The following TRPC4 variants were observed in gnomAD, a reference collection of about 807,000 sequenced individuals.
TRPC4 encodes transient receptor potential cation channel subfamily C member 4, also known as short transient receptor potential channel 4.
A neutral mutation model predicts 99.4 loss-of-function variants in TRPC4; 49 were observed. That is an observed-to-expected ratio of 0.49 (90% confidence interval 0.39 to 0.63). The LOEUF is 0.63. Among genes scored for constraint, TRPC4 ranks in the 20% least tolerant of loss-of-function variants. The pLI is 0.00. For missense variants in TRPC4, 898 were observed against 1,152.9 expected (o/e 0.78, Z 3.20); for synonymous variants, 454 against 425.9 (o/e 1.07, Z -0.81).
chr13:37,854,282 G>A (rs968279490), intron 1 of TRPC4, among the ~76,000 whole-genome samples: 1 of 152,074 alleles, frequency 6.6e-6, no homozygotes, highest in African/African-American at 2.4e-5. Context: ...CATATTTACA[G>A]TGCCGAACGA....
At chr13:37,795,632 A>G (rs1957225131) in intron 1 of TRPC4, among the ~76,000 whole-genome samples, 1 of 152,198 alleles carries the variant, frequency 6.6e-6, no homozygotes, top group Admixed American at 6.5e-5. Context: ...TCTTAAAGTA[A>G]TGGAGATGCA....
At chr13:37,783,575 G>A (rs1304236613) in intron 1 of TRPC4, among the ~76,000 whole-genome samples, 3 of 151,124 alleles carry the variant, frequency 2.0e-5, no homozygotes, top group South Asian at 2.1e-4. Flanking sequence ...TAAATAAAAA[G>A]AGATTAACAT....
chr13:37,705,716 A>G (rs975731971), intron 3 of TRPC4, among the ~76,000 whole-genome samples: 4 of 152,082 alleles, frequency 2.6e-5, no homozygotes, highest in Non-Finnish European at 5.9e-5. Flanking sequence ...ATGCATATTT[A>G]CCTGCATCTT....
At chr13:37,812,799 C>T (rs772967430) in intron 1 of TRPC4, among the ~76,000 whole-genome samples, 21 of 152,002 alleles carry the variant, frequency 1.4e-4, no homozygotes, top group Admixed American at 3.3e-4. Context: ...ATAAAGAAAA[C>T]TACAGCAAGT....
chr13:37,676,017 C>T (rs1422288419), intron 4 of TRPC4, among the ~76,000 whole-genome samples: 1 of 152,080 alleles, frequency 6.6e-6, no homozygotes, highest in Non-Finnish European at 1.5e-5. Context: ...ACGGTGGCAA[C>T]AACAAAACCC....
chr13:37,641,427 T>G (rs1222147235), intron 8 of TRPC4, among the ~76,000 whole-genome samples: 1 of 152,208 alleles, frequency 6.6e-6, no homozygotes, highest in African/African-American at 2.4e-5. Context: ...ACAAAACTAT[T>G]TTTTAGTTTC....
chr13:37,835,766 T>C (rs1177486784), intron 1 of TRPC4, among the ~76,000 whole-genome samples: 1 of 152,266 alleles, frequency 6.6e-6, no homozygotes, highest in Non-Finnish European at 1.5e-5. Context: ...CATTAGTATG[T>C]ACAGCATACT....
At chr13:37,797,683 T>C (rs756123572) in intron 1 of TRPC4, among the ~76,000 whole-genome samples, 3 of 152,150 alleles carry the variant, frequency 2.0e-5, no homozygotes, top group Non-Finnish European at 2.9e-5. Context: ...TTAAAAAAAT[T>C]AGAATGCTTA....
At chr13:37,835,269 T>C (rs1006845332) in intron 1 of TRPC4, among the ~76,000 whole-genome samples, 1 of 152,112 alleles carries the variant, frequency 6.6e-6, no homozygotes, top group Non-Finnish European at 1.5e-5. Flanking sequence ...CTTCAAAAAA[T>C]TACTACTTCC....
chr13:37,781,832 A>G (rs1956849983), intron 2 of TRPC4, among the ~76,000 whole-genome samples: 1 of 152,082 alleles, frequency 6.6e-6, no homozygotes, highest in Non-Finnish European at 1.5e-5. Flanking sequence ...TTTTCCCAGC[A>G]GACAGGGACA....
rs370322724 is a variant in TRPC4, at chr13:37,734,610, C to T, written c.897+11327G>A. Among the ~76,000 whole-genome samples the T allele has an allele frequency of 4.6e-5, 7 of 152,212 alleles. No homozygotes were observed. The East Asian group carries it at 7.7e-4, about 17-fold the overall frequency. ...TAATTAGCCTGAGCTGATCACTATACATTCTATGTATCAAAACATCACTAT... is the reference window on the plus strand; with the variant it reads ...TAATTAGCCTGAGCTGATCACTATATATTCTATGTATCAAAACATCACTAT... On this transcript the variant is annotated intron_variant, in intron 3 of 10. Coordinates refer to ENST00000379705, the MANE Select transcript of TRPC4 (RefSeq NM_016179.4).
chr13:37,839,165 T>C (rs1958658558), intron 1 of TRPC4, among the ~76,000 whole-genome samples: 1 of 152,208 alleles, frequency 6.6e-6, no homozygotes, highest in Non-Finnish European at 1.5e-5. Context: ...TTCCCAGGGA[T>C]TTCTACCAAC....
At chr13:37,730,749 A>T (rs1955215545) in intron 3 of TRPC4, among the ~76,000 whole-genome samples, 1 of 152,070 alleles carries the variant, frequency 6.6e-6, no homozygotes, top group African/African-American at 2.4e-5. Flanking sequence ...TTCTAAACGA[A>T]TTCCCACATT....
At position 37,784,046 on chromosome 13, in the gene TRPC4, A is replaced by T. The variant is rs369085307; in HGVS notation, c.-27-686T>A. The stretch of plus-strand genomic sequence containing the variant: ...GCTAGTAAGTAGTGACATCAAAGTT[A>T]ATGTAAATTAACAACATTAATGTCA... On this transcript the variant is annotated intron_variant, in intron 1 of 10. Coordinates refer to ENST00000379705, the MANE Select transcript of TRPC4 (RefSeq NM_016179.4). 8.5e-5 allele frequency among the ~76,000 whole-genome samples: 13 copies of T among 152,146 alleles called. 1 individual carries two copies. Among genetic ancestry groups the T allele is most frequent in the East Asian group, 5.8e-4 (3 of 5,168 alleles).
chr13:37,687,696 TAAG>T (rs1167062847), intron 4 of TRPC4, among the ~76,000 whole-genome samples: 1 of 152,142 alleles, frequency 6.6e-6, no homozygotes, highest in African/African-American at 2.4e-5. Flanking sequence ...CTAAATAAGT[TAAG>T]AGCCTCAGAG....
chr13:37,648,046 G>A (rs1044980766), intron 8 of TRPC4, among the ~76,000 whole-genome samples: 2 of 152,104 alleles, frequency 1.3e-5, no homozygotes, highest in African/African-American at 2.4e-5. Flanking sequence ...GGGTTCAAGC[G>A]ATTCTTCTTC....
chr13:37,854,889 T>A (rs1367616536), intron 1 of TRPC4: 4 of 151,932 alleles, frequency 2.6e-5, no homozygotes, highest in Non-Finnish European at 5.9e-5. Flanking sequence ...AAGTCTCCCA[T>A]CCAAGTATTA....
chr13:37,832,769 C>T (rs1427372130), intron 1 of TRPC4, among the ~76,000 whole-genome samples: 2 of 151,832 alleles, frequency 1.3e-5, no homozygotes, highest in Admixed American at 6.6e-5. Flanking sequence ...ATACTGTTTA[C>T]AAAATATATG....
At chr13:37,745,492 ATATATACG>A (rs1955736591) in intron 3 of TRPC4, among the ~76,000 whole-genome samples, 1 of 139,226 alleles carries the variant, frequency 7.2e-6, no homozygotes, top group South Asian at 2.2e-4. Context: ...ACACACACTT[ATATATACG>A]TATATATGTA....
Sources: gnomAD v4.1 joint callset for allele counts (sites outside exome capture counted in the v4.1 genomes callset) on GRCh38, gnomAD v4.1.1 for gene constraint, MANE v1.5 for transcripts, NCBI Gene and HGNC (gene_info 2026-07-23, HGNC 2026-07-21) for gene names.